Variants in GPR176 observed in about 807,000 individuals in gnomAD.
The protein encoded by GPR176 is G protein-coupled receptor 176, also known as G-protein coupled receptor 176.
A neutral mutation model predicts 35.4 loss-of-function variants in GPR176; 26 were observed. The ratio of observed to expected loss-of-function variants is 0.74; its 90% CI spans 0.54 to 1.02. The LOEUF is 1.02. Among genes scored for constraint, GPR176 ranks in the 50% least tolerant of loss-of-function variants. GPR176 has a pLI of 0.00. For missense variants in GPR176, 597 were observed against 665.3 expected, an observed-to-expected ratio of 0.90 and a Z score of 1.13; for synonymous variants, 278 against 271.3, an observed-to-expected ratio of 1.02 and a Z score of -0.24.
intron 1 of GPR176, chr15:39,807,554 T>C: frequency 6.6e-7 from 1 of 1,521,146 alleles, no homozygotes; most frequent in South Asian, 1.2e-5. Flanking sequence ...TATAAACAAT[T>C]TGCTAGTTAT....
chr15:39,912,414 C>G (rs1445219497), intron 1 of GPR176, among the ~76,000 whole-genome samples: 1 of 151,764 alleles, frequency 6.6e-6, no homozygotes, highest in African/African-American at 2.4e-5. Flanking sequence ...CCCAGGAATT[C>G]CAGACCAGCC....
intron 1 of GPR176, among the ~76,000 whole-genome samples, chr15:39,906,310 A>C (rs1038934411): frequency 6.6e-6 from 1 of 152,164 alleles, no homozygotes; most frequent in Non-Finnish European, 1.5e-5. Context: ...TGAGCCTTCC[A>C]GATAGATGGG....
At chr15:39,889,416 G>A (rs774966879) in intron 1 of GPR176, among the ~76,000 whole-genome samples, 8 of 151,974 alleles carry the variant, frequency 5.3e-5, no homozygotes, top group Non-Finnish European at 5.9e-5. Context: ...GCATGGTGGC[G>A]CACACCTGTA....
chr15:39,813,360 C>T (rs1329902999), intron 1 of GPR176: 1 of 152,154 alleles, frequency 6.6e-6, no homozygotes, highest in East Asian at 1.9e-4. Context: ...GTAATGAATT[C>T]CCTCTTTTTG....
chr15:39,858,737 A>AT (rs1231973950), intron 1 of GPR176, among the ~76,000 whole-genome samples: 2 of 152,050 alleles, frequency 1.3e-5, no homozygotes, highest in African/African-American at 4.8e-5. Context: ...TAAAAACAAA[A>AT]TACAAATTCT....
At chr15:39,803,765 G>A (rs1483493223) in intron 2 of GPR176, among the ~76,000 whole-genome samples, 1 of 152,154 alleles carries the variant, frequency 6.6e-6, no homozygotes, top group Non-Finnish European at 1.5e-5. Flanking sequence ...TACAGGTAGC[G>A]CCTAAAGCCA....
At chr15:39,904,486 T>C (rs374858720) in intron 1 of GPR176, among the ~76,000 whole-genome samples, 25 of 152,216 alleles carry the variant, frequency 1.6e-4, no homozygotes, top group African/African-American at 4.1e-4. Flanking sequence ...ATGGAATAGA[T>C]AGAGAACTGT....
chr15:39,849,392 T>G (rs1240626056), intron 1 of GPR176, among the ~76,000 whole-genome samples: 1 of 152,028 alleles, frequency 6.6e-6, no homozygotes, highest in Non-Finnish European at 1.5e-5. Context: ...TTCCACATAC[T>G]CTCTTCCAAA....
rs1566932438 is a variant in GPR176 at position 39,801,558 on chromosome 15, G to A, written c.1122C>T (p.His374=). 3 of 1,614,018 alleles carry A rather than the reference G, an allele frequency of 1.9e-6. No homozygotes were observed. The highest frequency in any genetic ancestry group is 2.7e-5 in the African/African-American group (2 of 74,912). ...RSGSQLLEMF[H]IGQQQIFKPT... ...GCTTAAAGATCTGCTGCTGCCCAAT[G>A]TGGAACATCTCCAGGAGCTGGCTAC... The change falls in exon 3 of 3, where the codon CAC becomes CAT. Residue 374 remains histidine, a synonymous_variant. Transcript: ENST00000561100.
chr15:39,893,420 G>A (rs868689416), intron 1 of GPR176, among the ~76,000 whole-genome samples: 1,894 of 152,194 alleles, frequency 0.012, 47 homozygotes, highest in African/African-American at 0.041. Context: ...AGGGTTGGGG[G>A]TAAGGTCACA....
In GPR176 at chr15:39,919,956, G is replaced by T; in HGVS notation, c.71C>A (p.Ala24Glu). 6.7e-7 allele frequency: 1 copy of T among 1,492,676 alleles called. No individual in the cohort carries two copies. Among genetic ancestry groups the T allele is most frequent in the South Asian group, 1.3e-5 (1 of 76,848 alleles). 92.5% of individuals were successfully genotyped at this position (1,492,676 alleles called of 1,614,324 possible). The change falls in exon 1 of 3, where the codon GCG becomes GAG. Residue 24 changes from alanine (A) to glutamate (E), a missense_variant. Transcript: ENST00000561100. Reference protein sequence around the residue: ...EPHNASGAEAAGVNRSALGEF... With the variant: ...EPHNASGAEAEGVNRSALGEF... ...CCCGAGCGCGCTGCGGTTCACACCC[G>T]CAGCCTCGGCGCCGGACGCGTTGTG...
intron 1 of GPR176, among the ~76,000 whole-genome samples, chr15:39,824,439 C>A (rs1430831519): frequency 6.6e-6 from 1 of 152,252 alleles, no homozygotes; most frequent in East Asian, 1.9e-4. Flanking sequence ...AAGAAACCCT[C>A]CCTCACCACC....
chr15:39,911,919 A>G (rs1310136275), intron 1 of GPR176, among the ~76,000 whole-genome samples: 1 of 152,240 alleles, frequency 6.6e-6, no homozygotes, highest in Non-Finnish European at 1.5e-5. Context: ...TTTAAAAAAA[A>G]GTACCTTCAA....
intron 1 of GPR176, among the ~76,000 whole-genome samples, chr15:39,869,356 C>T (rs2031960197): frequency 6.6e-6 from 1 of 152,170 alleles, no homozygotes. Context: ...GAGTCCCAGA[C>T]ACAGCAGTTG....
chr15:39,912,231 T>C (rs2033596700), intron 1 of GPR176, among the ~76,000 whole-genome samples: 1 of 152,196 alleles, frequency 6.6e-6, no homozygotes, highest in Non-Finnish European at 1.5e-5. Flanking sequence ...GAGCCACTCC[T>C]ACCTTCCAGG....
chr15:39,872,753 A>C (rs1455482478), intron 1 of GPR176, among the ~76,000 whole-genome samples: 2 of 152,128 alleles, frequency 1.3e-5, no homozygotes, highest in Admixed American at 1.3e-4. Context: ...CCTTTAAAAG[A>C]CCATATCTCA....
chr15:39,843,404 C>T (rs2030173349), intron 1 of GPR176, among the ~76,000 whole-genome samples: 1 of 152,130 alleles, frequency 6.6e-6, no homozygotes, highest in African/African-American at 2.4e-5. Context: ...CAGACACTCA[C>T]ACCCCATACA....
At chr15:39,910,683 A>C (rs1397380281) in intron 1 of GPR176, among the ~76,000 whole-genome samples, 1 of 152,202 alleles carries the variant, frequency 6.6e-6, no homozygotes, top group Non-Finnish European at 1.5e-5. Context: ...TCTGGAATAG[A>C]CAAGATAGAA....
At chr15:39,888,282 GTTTTTTTT>G (rs1297070672) in intron 1 of GPR176, among the ~76,000 whole-genome samples, 30 of 151,526 alleles carry the variant, frequency 2.0e-4, no homozygotes, top group Non-Finnish European at 2.1e-4. Context: ...CTTTTTATTT[GTTTTTTTT>G]GTTTGTTTGT....
Sources: gnomAD v4.1 joint callset for allele counts (sites outside exome capture counted in the v4.1 genomes callset) on GRCh38, gnomAD v4.1.1 for gene constraint, MANE v1.5 for transcripts, NCBI Gene and HGNC (gene_info 2026-07-23, HGNC 2026-07-21) for gene names.